Variants in AOPEP observed in about 807,000 individuals in gnomAD.
AOPEP encodes the protein aminopeptidase O.
In AOPEP, 77 loss-of-function variants were observed where a neutral mutation model predicts 98.1. That is an observed-to-expected ratio of 0.78 (90% CI 0.65 to 0.95). The LOEUF (loss-of-function observed/expected upper bound fraction) is 0.95. Among genes scored for constraint, AOPEP ranks in the 40% least tolerant of loss-of-function variants. The pLI is 0.00. For missense variants in AOPEP, 1,024 were observed against 1,024.7 expected (o/e 1.00, Z 0.01); for synonymous variants, 346 against 365.3 (o/e 0.95, Z 0.60).
chr9:95,128,879 G>A, the AOPEP span, among the ~76,000 whole-genome samples: 3 of 151,970 alleles, frequency 2.0e-5, no homozygotes, highest in East Asian at 1.9e-4. Context: ...AAACAGCAAC[G>A]GCAGAGATTT....
chr9:95,104,333 CAG>C, the AOPEP span, among the ~76,000 whole-genome samples: 4 of 152,366 alleles, frequency 2.6e-5, no homozygotes, highest in East Asian at 1.9e-4. Context: ...CCGTCCCTGA[CAG>C]AGTCAGTGCA....
intron 2 of AOPEP, among the ~76,000 whole-genome samples, chr9:94,771,182 G>T (rs575352194): frequency 6.6e-6 from 1 of 152,292 alleles, no homozygotes; most frequent in African/African-American, 2.4e-5. Flanking sequence ...CAACATCTTG[G>T]TAAGCCAGTC....
intron 5 of AOPEP, among the ~76,000 whole-genome samples, chr9:94,915,784 C>T (rs145302326): frequency 6.6e-6 from 1 of 152,338 alleles, no homozygotes; most frequent in East Asian, 1.9e-4. Flanking sequence ...TTGCAGAGGG[C>T]CTGACTGGGG....
At chr9:94,788,318 A>G (rs563562287) in intron 3 of AOPEP, among the ~76,000 whole-genome samples, 10 of 151,990 alleles carry the variant, frequency 6.6e-5, no homozygotes, top group Non-Finnish European at 2.9e-5. Flanking sequence ...GTCTCATGTG[A>G]TCCTTTTACC....
chr9:94,855,274 C>T (rs953944119), intron 5 of AOPEP, among the ~76,000 whole-genome samples: 7 of 152,078 alleles, frequency 4.6e-5, no homozygotes, highest in African/African-American at 9.6e-5. Flanking sequence ...AACGGGGTTT[C>T]GCCACATTGG....
intron 9 of AOPEP, among the ~76,000 whole-genome samples, chr9:94,957,788 A>G (rs914385758): frequency 2.0e-5 from 3 of 152,182 alleles, no homozygotes; most frequent in Non-Finnish European, 4.4e-5. Context: ...CATTTCATAT[A>G]AAAGAATCAT....
chr9:95,035,860 T>C (rs2064772335), intron 13 of AOPEP, among the ~76,000 whole-genome samples: 1 of 152,030 alleles, frequency 6.6e-6, no homozygotes, highest in Non-Finnish European at 1.5e-5. Context: ...CTGTGTGGCC[T>C]TACTTGCTTG....
chr9:95,098,321 C>T, the AOPEP span, among the ~76,000 whole-genome samples: 1,340 of 152,154 alleles, frequency 8.8e-3, 8 homozygotes, highest in Non-Finnish European at 0.014. Flanking sequence ...TCCTCCCATC[C>T]CCTGGACTAG....
chr9:94,776,823 T>A (rs1265540544), intron 3 of AOPEP, among the ~76,000 whole-genome samples: 1 of 152,182 alleles, frequency 6.6e-6, no homozygotes, highest in Non-Finnish European at 1.5e-5. Flanking sequence ...GAATTACTAT[T>A]ATTGTATTTT....
chr9:94,895,239 TA>T (rs60422899), intron 5 of AOPEP, among the ~76,000 whole-genome samples: 19 of 116,242 alleles, frequency 1.6e-4, no homozygotes, highest in African/African-American at 3.7e-4. Context: ...TAAAATAAAA[TA>T]AAAAAAAAAA....
intron 2 of AOPEP, among the ~76,000 whole-genome samples, chr9:94,765,478 T>TAAG (rs1554706594): frequency 2.0e-5 from 3 of 147,382 alleles, no homozygotes; most frequent in African/African-American, 7.4e-5. Context: ...ATAATAATAA[T>TAAG]AAGTCACAGC....
chr9:94,810,389 A>G (rs968278887), intron 5 of AOPEP, among the ~76,000 whole-genome samples: 5 of 150,458 alleles, frequency 3.3e-5, no homozygotes, highest in Non-Finnish European at 5.9e-5. Context: ...ATCTCGGATC[A>G]TTGCATACTC....
At chr9:94,887,745 G>T (rs770371631) in intron 5 of AOPEP, among the ~76,000 whole-genome samples, 1 of 152,210 alleles carries the variant, frequency 6.6e-6, no homozygotes, top group African/African-American at 2.4e-5. Flanking sequence ...TCCACGGGCA[G>T]ACAGGACAGA....
At chr9:94,822,817 A>G (rs967853833) in intron 5 of AOPEP, among the ~76,000 whole-genome samples, 2 of 152,166 alleles carry the variant, frequency 1.3e-5, no homozygotes, top group Non-Finnish European at 1.5e-5. Flanking sequence ...TGCATCCTCT[A>G]TGGAATAGAT....
chr9:95,023,227 G>A (rs1443633497), intron 13 of AOPEP, among the ~76,000 whole-genome samples: 1 of 152,220 alleles, frequency 6.6e-6, no homozygotes, highest in South Asian at 2.1e-4. Context: ...TCTGTGGTGT[G>A]TTATGGGAAC....
intron 5 of AOPEP, among the ~76,000 whole-genome samples, chr9:94,864,885 C>T (rs1385117272): frequency 2.6e-5 from 4 of 152,176 alleles, no homozygotes; most frequent in African/African-American, 7.2e-5. Flanking sequence ...AAAGAGCCAT[C>T]AGCAACACTT....
the AOPEP span, among the ~76,000 whole-genome samples, chr9:95,134,254 A>G: frequency 6.6e-6 from 1 of 152,214 alleles, no homozygotes; most frequent in African/African-American, 2.4e-5. Flanking sequence ...ACAGTCTCCA[A>G]CTAGAAAGAG....
intron 5 of AOPEP, among the ~76,000 whole-genome samples, chr9:94,854,821 C>G (rs10993370): frequency 0.35 from 52,588 of 151,942 alleles, 10,263 homozygotes; most frequent in Non-Finnish European, 0.45. Flanking sequence ...TATGTTGGAT[C>G]GGAACATCCA....
the AOPEP span, chr9:95,123,880 C>A: frequency 1.9e-6 from 1 of 538,634 alleles, no homozygotes; most frequent in East Asian, 4.0e-5. Context: ...GAGTTGAGTC[C>A]TTAAAGTCTG....
Sources: gnomAD v4.1 joint callset for allele counts (sites outside exome capture counted in the v4.1 genomes callset) on GRCh38, gnomAD v4.1.1 for gene constraint, MANE v1.5 for transcripts, NCBI Gene and HGNC (gene_info 2026-07-23, HGNC 2026-07-21) for gene names.